The following C1QTNF3 variants were observed in gnomAD, a reference collection of about 807,000 sequenced individuals.
C1QTNF3 encodes complement C1q tumor necrosis factor-related protein 3.
A neutral mutation model predicts 32.6 loss-of-function variants in C1QTNF3; 26 were observed. That is an observed-to-expected ratio of 0.80 (90% CI 0.58 to 1.11). C1QTNF3 has a LOEUF of 1.11. Among genes scored for constraint, C1QTNF3 ranks in the 50% least tolerant of loss-of-function variants. The pLI is 0.00. For missense variants in C1QTNF3, 362 were observed against 398.2 expected (o/e 0.91, Z 0.77); for synonymous variants, 155 against 146.0 (o/e 1.06, Z -0.44).
At chr5:34,076,501 G>C in the C1QTNF3 span, among the ~76,000 whole-genome samples, 1 of 151,418 alleles carries the variant, frequency 6.6e-6, no homozygotes, top group African/African-American at 2.5e-5. Context: ...TAGTATCAGA[G>C]TGCAGACAGT....
chr5:34,202,875 C>G, the C1QTNF3 span, among the ~76,000 whole-genome samples: 1 of 151,814 alleles, frequency 6.6e-6, no homozygotes, highest in Non-Finnish European at 1.5e-5. Context: ...GTTTCTTCAT[C>G]TGCAACATAT....
the C1QTNF3 span, among the ~76,000 whole-genome samples, chr5:34,180,260 T>C: frequency 5.1e-4 from 77 of 150,658 alleles, 1 homozygote; most frequent in East Asian, 2.4e-3. Flanking sequence ...AGGAGAACTG[T>C]TTGTACCCAG....
the C1QTNF3 span, among the ~76,000 whole-genome samples, chr5:34,069,642 G>A: frequency 6.6e-6 from 1 of 152,108 alleles, no homozygotes; most frequent in Admixed American, 6.5e-5. Context: ...AAAGGGAATG[G>A]ATACATTACG....
the C1QTNF3 span, among the ~76,000 whole-genome samples, chr5:34,094,624 A>C: frequency 6.6e-6 from 1 of 151,928 alleles, no homozygotes; most frequent in Non-Finnish European, 1.5e-5. Context: ...GTATTAATAC[A>C]TATTAGATAT....
At chr5:34,054,073 A>T in the C1QTNF3 span, among the ~76,000 whole-genome samples, 1 of 152,170 alleles carries the variant, frequency 6.6e-6, no homozygotes, top group South Asian at 2.1e-4. Context: ...TAGCAGTGTG[A>T]CCTTGAGCCT....
chr5:34,022,564 T>C (rs1754357967), intron 5 of C1QTNF3, among the ~76,000 whole-genome samples: 1 of 152,202 alleles, frequency 6.6e-6, no homozygotes, highest in African/African-American at 2.4e-5. Flanking sequence ...GGGAGACATG[T>C]ATTGTAAGTG....
chr5:34,176,856 C>CATGAATGAATGAATGAATGA, the C1QTNF3 span, among the ~76,000 whole-genome samples: 72 of 148,228 alleles, frequency 4.9e-4, 1 homozygote, highest in Non-Finnish European at 7.1e-4. Flanking sequence ...GACCCTATCT[C>CATGAATGAATGAATGAATGA]ATGAATGAAT....
intron 4 of C1QTNF3, among the ~76,000 whole-genome samples, chr5:34,025,486 TC>T (rs1286835002): frequency 2.6e-5 from 4 of 152,242 alleles, no homozygotes; most frequent in Non-Finnish European, 5.9e-5. Context: ...CATGTGGCTT[TC>T]CTGCAAGGGA....
the C1QTNF3 span, among the ~76,000 whole-genome samples, chr5:34,205,388 G>A: frequency 5.9e-5 from 9 of 152,202 alleles, no homozygotes; most frequent in East Asian, 1.5e-3. Flanking sequence ...AATTGTAATC[G>A]CCAGTGTTGA....
the C1QTNF3 span, among the ~76,000 whole-genome samples, chr5:34,202,818 C>T: frequency 2.0e-5 from 3 of 151,648 alleles, no homozygotes; most frequent in African/African-American, 7.3e-5. Flanking sequence ...TTTTTCCCTG[C>T]AGCCTGACAA....
chr5:34,097,299 A>T, the C1QTNF3 span, among the ~76,000 whole-genome samples: 1 of 152,088 alleles, frequency 6.6e-6, no homozygotes, highest in East Asian at 1.9e-4. Context: ...CTTCATCATC[A>T]TCATTGTATC....
At chr5:34,197,837 G>A in the C1QTNF3 span, among the ~76,000 whole-genome samples, 2 of 152,102 alleles carry the variant, frequency 1.3e-5, no homozygotes, top group Non-Finnish European at 2.9e-5. Flanking sequence ...AGGTGCTTGA[G>A]GATTTGGTGT....
At chr5:34,155,296 T>C in the C1QTNF3 span, among the ~76,000 whole-genome samples, 3 of 152,174 alleles carry the variant, frequency 2.0e-5, no homozygotes, top group African/African-American at 4.8e-5. Flanking sequence ...AGGCAGTTTC[T>C]AAGGAATAAT....
At chr5:34,145,586 T>C in the C1QTNF3 span, among the ~76,000 whole-genome samples, 1 of 150,024 alleles carries the variant, frequency 6.7e-6, no homozygotes, top group East Asian at 2.0e-4. Flanking sequence ...TCAATCCTAC[T>C]GAAACTATTC....
At chr5:34,198,164 C>T in the C1QTNF3 span, among the ~76,000 whole-genome samples, 37 of 145,114 alleles carry the variant, frequency 2.5e-4, no homozygotes, top group African/African-American at 8.2e-4. Flanking sequence ...AACAGTTGAA[C>T]CCAGGAGGCA....
the C1QTNF3 span, among the ~76,000 whole-genome samples, chr5:34,115,514 A>G: frequency 2.0e-5 from 3 of 152,082 alleles, no homozygotes; most frequent in African/African-American, 7.2e-5. Context: ...GAGGATCACA[A>G]GGTCAGGAGA....
the C1QTNF3 span, among the ~76,000 whole-genome samples, chr5:34,077,012 T>G: frequency 1.3e-5 from 2 of 151,838 alleles, no homozygotes; most frequent in East Asian, 3.8e-4. Flanking sequence ...ATGCAATGTC[T>G]TATTTTAACA....
the C1QTNF3 span, chr5:34,192,939 C>G: frequency 1.4e-6 from 1 of 713,918 alleles, no homozygotes; most frequent in Middle Eastern, 2.3e-4. Context: ...GGACCAGATC[C>G]TGCCTCAAAC....
the C1QTNF3 span, among the ~76,000 whole-genome samples, chr5:34,092,769 A>G: frequency 6.6e-6 from 1 of 151,798 alleles, no homozygotes; most frequent in African/African-American, 2.4e-5. Flanking sequence ...GGCAGCAGTA[A>G]CTCTATTAAA....
Sources: gnomAD v4.1 joint callset for allele counts (sites outside exome capture counted in the v4.1 genomes callset) on GRCh38, gnomAD v4.1.1 for gene constraint, MANE v1.5 for transcripts, NCBI Gene and HGNC (gene_info 2026-07-23, HGNC 2026-07-21) for gene names.